FAP: variants seen among roughly 807,000 people sequenced by gnomAD.
FAP encodes fibroblast activation protein alpha.
In FAP, 110 loss-of-function variants were observed where a neutral mutation model predicts 126.5. The observed-to-expected ratio is 0.87, with a 90% confidence interval of 0.74 to 1.02. FAP has a LOEUF of 1.02. Among genes scored for constraint, FAP ranks in the 50% least tolerant of loss-of-function variants. The probability of loss-of-function intolerance (pLI) is 0.00; values close to 1 mark genes in which losing one functional copy is unlikely to be tolerated. For missense variants in FAP, 919 were observed against 909.2 expected (o/e 1.01, Z -0.14); for synonymous variants, 334 against 297.3 (o/e 1.12, Z -1.27).
At chr2:162,241,171 A>G (rs938541966) in intron 2 of FAP, among the ~76,000 whole-genome samples, 4 of 152,214 alleles carry the variant, frequency 2.6e-5, no homozygotes, top group African/African-American at 9.6e-5. Flanking sequence ...TGAGTACTCA[A>G]ATTTCACTGA....
chr2:162,240,420 A>G (rs1690299566), intron 2 of FAP, among the ~76,000 whole-genome samples: 1 of 151,992 alleles, frequency 6.6e-6, no homozygotes, highest in East Asian at 1.9e-4. Flanking sequence ...TCTTTCCTTT[A>G]GACGTGATGT....
chr2:162,224,578 A>T lies in FAP; in HGVS notation c.286-38T>A, dbSNP rs140646862. On this transcript the variant is annotated intron_variant, in intron 4 of 25. Coordinates refer to ENST00000188790, the MANE Select transcript of FAP (RefSeq NM_004460.5). ...AGAGGTTGATTAGAATACAGAAAAG[A>T]TAACAAAGAACCATGTAAATTTGTA... 2.5e-4 allele frequency: 311 copies of T among 1,253,344 alleles called. No homozygotes were observed. In the African/African-American group the frequency reaches 4.3e-3, roughly 17 times the overall value. The allele number at this position is 1,253,344 out of a possible 1,614,324, so 77.6% of individuals were successfully genotyped here. A position where few individuals can be genotyped will look rare whatever the true frequency, so the allele number is the denominator to read the frequency against.
intron 15 of FAP, 66 bp from the exon 16 acceptor site, chr2:162,198,947 C>A: frequency 7.1e-7 from 1 of 1,405,402 alleles, no homozygotes; most frequent in South Asian, 1.2e-5. Flanking sequence ...ATGTACTACT[C>A]CATGTAAAGT....
At chr2:162,237,331 T>C (rs570132070) in intron 2 of FAP, among the ~76,000 whole-genome samples, 1 of 152,228 alleles carries the variant, frequency 6.6e-6, no homozygotes, top group Non-Finnish European at 1.5e-5. Flanking sequence ...CAACCCGTCA[T>C]CTACATTAGG....
At position 162,236,743 on chromosome 2, in the gene FAP, G is replaced by A. The variant is rs544409502; in HGVS notation, c.91+6165C>T. Reference sequence around the variant, plus strand: ...CTGCCTCAGCCTCCTGAGTAGCAGAGGTTACAGGTGTCAGCCACCACTGCT... The same window carrying A: ...CTGCCTCAGCCTCCTGAGTAGCAGAAGTTACAGGTGTCAGCCACCACTGCT... On this transcript the variant is annotated intron_variant, in intron 2 of 25. Coordinates refer to ENST00000188790, the MANE Select transcript of FAP (RefSeq NM_004460.5). 3.3e-5 allele frequency among the ~76,000 whole-genome samples: 5 copies of A among 152,226 alleles called. No homozygotes were observed. The East Asian group carries it at 7.7e-4, about 24-fold the overall frequency.
At chr2:162,225,398 A>G (rs1411036611) in intron 4 of FAP, 85 bp downstream of exon 4, 17 of 1,515,112 alleles carry the variant, frequency 1.1e-5, no homozygotes, top group East Asian at 7.2e-5. Flanking sequence ...TGTCCAGATC[A>G]GGTGCTAAGA....
intron 2 of FAP, among the ~76,000 whole-genome samples, chr2:162,239,148 C>G (rs1328621469): frequency 6.6e-6 from 1 of 152,104 alleles, no homozygotes; most frequent in African/African-American, 2.4e-5. Flanking sequence ...TTCTGATATT[C>G]AGCCTCCTAA....
chr2:162,170,983 T>C lies in FAP; in HGVS notation c.2279A>G (p.Asp760Gly), dbSNP rs567273998. ...HFLKQCFSLS[D>G] ...AGGCTTGCATCTGCATCGTTTTTAG[T>C]CTGACAAAGAGAAACACTGCTTTAG... Residue 760 changes from aspartate (D) to glycine (G), a missense_variant, in exon 26 of 26, where the codon GAC becomes GGC. Coordinates refer to ENST00000188790, the MANE Select transcript of FAP (RefSeq NM_004460.5). 6.2e-7 allele frequency: 1 copy of C among 1,612,550 alleles called. No homozygotes were observed. Among genetic ancestry groups the C allele is most frequent in the East Asian group, 2.2e-5 (1 of 44,850 alleles).
chr2:162,223,876 C>G (rs1195435209), intron 5 of FAP, among the ~76,000 whole-genome samples: 4 of 152,132 alleles, frequency 2.6e-5, no homozygotes, highest in East Asian at 1.9e-4. Flanking sequence ...CAGAACTAAT[C>G]TCAGCAGTGA....
chr2:162,172,764 G>T, intron 25 of FAP, 47 bp downstream of exon 25: 1 of 1,278,262 alleles, frequency 7.8e-7, no homozygotes, highest in Non-Finnish European at 1.1e-6. Flanking sequence ...CCTCCTTTTA[G>T]CTTGAGGGTC....
chr2:162,213,324 C>T (rs546952903), intron 11 of FAP, among the ~76,000 whole-genome samples: 4 of 151,512 alleles, frequency 2.6e-5, no homozygotes, highest in African/African-American at 9.7e-5. Context: ...TGCAGTGAGT[C>T]CAGATTGCGC....
chr2:162,198,550 C>T (rs1688355373), intron 16 of FAP: 2 of 756,352 alleles, frequency 2.6e-6, no homozygotes, highest in South Asian at 1.9e-5. Context: ...TACCCTGTTT[C>T]CCCAAACTCT....
At chr2:162,175,690 CT>C (rs1687460335) in intron 21 of FAP, 1 of 152,168 alleles carries the variant, frequency 6.6e-6, no homozygotes, top group Non-Finnish European at 1.5e-5. Context: ...CATAGATTTT[CT>C]TCTCCAAGGA....
At chr2:162,176,732 C>T (rs557557449) in intron 21 of FAP, 2 of 152,124 alleles carry the variant, frequency 1.3e-5, no homozygotes, top group South Asian at 4.2e-4. Context: ...AATACTGGGT[C>T]CTGCTTCTCC....
Position 162,189,179 on chromosome 2 carries a change from G to T in FAP, c.1550-7C>A. The T allele has an allele frequency of 6.4e-7, 1 of 1,571,172 alleles. No homozygotes were observed. The highest frequency in any genetic ancestry group is 8.6e-7 in the Non-Finnish European group (1 of 1,157,278). On this transcript the variant is annotated splice_region_variant and splice_polypyrimidine_tract_variant and intron_variant, in intron 18 of 25. Coordinates refer to ENST00000188790, the MANE Select transcript of FAP (RefSeq NM_004460.5). The stretch of plus-strand genomic sequence containing the variant: ...ATCATCTTGTACCATAAAGCTTTGA[G>T]GAAAAAAAAAGGAGAAAAATCTTCA...
At chr2:162,193,291 T>G (rs1299610532) in intron 17 of FAP, among the ~76,000 whole-genome samples, 1 of 152,200 alleles carries the variant, frequency 6.6e-6, no homozygotes, top group East Asian at 1.9e-4. Context: ...GTATTTATAA[T>G]GAACATAGGA....
chr2:162,211,696 G>T (rs1341936387), intron 11 of FAP, among the ~76,000 whole-genome samples: 1 of 152,102 alleles, frequency 6.6e-6, no homozygotes, highest in Non-Finnish European at 1.5e-5. Flanking sequence ...AGCCATAAAA[G>T]TAAAATTAAT....
At chr2:162,196,046 T>A (rs976276106) in intron 16 of FAP, among the ~76,000 whole-genome samples, 5 of 152,190 alleles carry the variant, frequency 3.3e-5, no homozygotes, top group Non-Finnish European at 7.3e-5. Context: ...ATGCTTTTGA[T>A]CCGTTCCTCA....
intron 21 of FAP, among the ~76,000 whole-genome samples, chr2:162,182,913 A>T (rs1159421979): frequency 6.6e-6 from 1 of 152,206 alleles, no homozygotes; most frequent in South Asian, 2.1e-4. Context: ...TCCAGTTAGC[A>T]CAAACGAACA....
Sources: allele counts gnomAD v4.1 joint callset (sites outside exome capture counted in the v4.1 genomes callset), GRCh38; gene constraint gnomAD v4.1.1; transcripts MANE v1.5; gene names NCBI Gene and HGNC (gene_info 2026-07-23, HGNC 2026-07-21).